Variants in TCF7L2 observed in about 807,000 individuals in gnomAD.
The protein encoded by TCF7L2 is transcription factor 7-like 2.
In TCF7L2, 23 loss-of-function variants were observed where a neutral mutation model predicts 77.9. That is an observed-to-expected ratio of 0.30 (90% CI 0.21 to 0.42). The LOEUF is 0.42. TCF7L2 is among the 10% of genes least tolerant of loss of function. The pLI is 1.00. For missense variants in TCF7L2, 654 were observed against 793.1 expected, an observed-to-expected ratio of 0.82 and a Z score of 2.11; for synonymous variants, 413 against 340.2, an observed-to-expected ratio of 1.21 and a Z score of -2.36.
At chr10:112,967,140 CT>C (rs2037128775) in intron 4 of TCF7L2, among the ~76,000 whole-genome samples, 1 of 152,242 alleles carries the variant, frequency 6.6e-6, no homozygotes, top group Admixed American at 6.5e-5. Flanking sequence ...AGCTCATAAT[CT>C]TTTCGCTCTG....
At chr10:113,160,590 T>C (rs1326624512) in intron 12 of TCF7L2, 1 of 1,569,760 alleles carries the variant, frequency 6.4e-7, no homozygotes, top group African/African-American at 1.3e-5. Flanking sequence ...CATTGTGTTG[T>C]ATTTTTTGTG....
At chr10:112,995,365 G>T (rs894945692) in intron 4 of TCF7L2, among the ~76,000 whole-genome samples, 1 of 152,176 alleles carries the variant, frequency 6.6e-6, no homozygotes, top group South Asian at 2.1e-4. Flanking sequence ...TCCTGACAGT[G>T]GCTGGAGTTC....
rs1187083998 is a variant in TCF7L2, at chr10:113,166,067, C to A, written c.*95C>A. 4 of 1,226,228 alleles carry A rather than the reference C, an allele frequency of 3.3e-6. No homozygotes were observed. Among genetic ancestry groups the A allele is most frequent in the Non-Finnish European group, 3.2e-6 (3 of 940,364 alleles). The allele number at this position is 1,226,228 out of a possible 1,614,324, so 76.0% of individuals were successfully genotyped here. A position where few individuals can be genotyped will look rare whatever the true frequency, so the allele number is the denominator to read the frequency against. On this transcript the variant is annotated 3_prime_UTR_variant, in exon 14 of 14. Coordinates refer to ENST00000627217, the MANE Select transcript of TCF7L2 (RefSeq NM_001146274.2). ...CCACCTTGAAAGGTTTTGTTTTGTA[C>A]TCTCTTAATTTTGTGCCATGTGGCT...
chr10:113,146,866 C>T (rs1337712542), intron 8 of TCF7L2, among the ~76,000 whole-genome samples: 1 of 151,870 alleles, frequency 6.6e-6, no homozygotes, highest in African/African-American at 2.4e-5. Context: ...TGGTGCATAT[C>T]ATAGTGGTCT....
intron 6 of TCF7L2, among the ~76,000 whole-genome samples, chr10:113,141,701 C>T (rs2068413721): frequency 6.6e-6 from 1 of 152,160 alleles, no homozygotes; most frequent in Non-Finnish European, 1.5e-5. Context: ...TTGGGTTCCT[C>T]CTCAGCTTCC....
intron 4 of TCF7L2, among the ~76,000 whole-genome samples, chr10:113,018,062 A>C (rs775374655): frequency 6.6e-6 from 1 of 152,176 alleles, no homozygotes; most frequent in Non-Finnish European, 1.5e-5. Flanking sequence ...TGCTGGGGGA[A>C]CTATGGTCAC....
At position 112,954,086 on chromosome 10, in the gene TCF7L2, C is replaced by G. The variant is rs192087813; in HGVS notation, c.381+2479C>G. Among the ~76,000 whole-genome samples the G allele has an allele frequency of 2.0e-5, 3 of 152,340 alleles. No individual in the cohort carries two copies. The East Asian group carries it at 5.8e-4, about 29-fold the overall frequency. On this transcript the variant is annotated intron_variant, in intron 3 of 13. Coordinates refer to ENST00000627217, the MANE Select transcript of TCF7L2 (RefSeq NM_001146274.2). ...CTGACGTCTTCAATCAGAAGGCCAG[C>G]TTGCAATCCAGATTTGATACAGCTG...
chr10:112,956,900 G>A (rs1340923205), intron 3 of TCF7L2, among the ~76,000 whole-genome samples: 1 of 152,062 alleles, frequency 6.6e-6, no homozygotes, highest in Non-Finnish European at 1.5e-5. Flanking sequence ...GGGAGGTGGT[G>A]GTATCCTAAT....
intron 4 of TCF7L2, among the ~76,000 whole-genome samples, chr10:112,969,692 G>T (rs1480640423): frequency 6.6e-6 from 1 of 152,154 alleles, no homozygotes; most frequent in African/African-American, 2.4e-5. Context: ...CCAAGCTCCG[G>T]TGCAGGCCCC....
chr10:113,099,378 C>T (rs888098228), intron 5 of TCF7L2, among the ~76,000 whole-genome samples: 4 of 152,028 alleles, frequency 2.6e-5, no homozygotes, highest in African/African-American at 9.7e-5. Context: ...CAACTTGGTC[C>T]CCCCAGGCTG....
chr10:113,072,079 C>T (rs1047245807), intron 5 of TCF7L2, among the ~76,000 whole-genome samples: 26 of 152,046 alleles, frequency 1.7e-4, no homozygotes, highest in Admixed American at 7.2e-4. Flanking sequence ...TTTTTTGAGA[C>T]GGAGTCTTGC....
At chr10:113,007,304 C>T (rs996585690) in intron 4 of TCF7L2, among the ~76,000 whole-genome samples, 2 of 152,184 alleles carry the variant, frequency 1.3e-5, no homozygotes, top group African/African-American at 4.8e-5. Flanking sequence ...TCACGGGCAA[C>T]CTCATTCCTT....
chr10:113,078,894 G>A (rs935060603), intron 5 of TCF7L2, among the ~76,000 whole-genome samples: 1 of 151,674 alleles, frequency 6.6e-6, no homozygotes, highest in African/African-American at 2.4e-5. Context: ...GTGCAGTGGT[G>A]TGATTTCATC....
At chr10:112,972,381 G>A (rs1397624410) in intron 4 of TCF7L2, among the ~76,000 whole-genome samples, 1 of 152,146 alleles carries the variant, frequency 6.6e-6, no homozygotes, top group Non-Finnish European at 1.5e-5. Flanking sequence ...TTAGACTTTG[G>A]GGTCAGAGGC....
rs150773396 is a variant in TCF7L2 at position 113,042,431 on chromosome 10, G to A, written c.552+2305G>A. On this transcript the variant is annotated intron_variant, in intron 5 of 13. Coordinates refer to ENST00000627217, the MANE Select transcript of TCF7L2 (RefSeq NM_001146274.2). Reference sequence around the variant, plus strand: ...CATTGCCTAGAGGGGATGGGCTGGTGGAGGAAGGTGGGCTCTGGGAGCCGG... The same window carrying A: ...CATTGCCTAGAGGGGATGGGCTGGTAGAGGAAGGTGGGCTCTGGGAGCCGG... Among the ~76,000 whole-genome samples the A allele has an allele frequency of 2.9e-3, 440 of 152,324 alleles. 4 individuals carry two copies. The highest frequency in any genetic ancestry group is 0.017 in the Middle Eastern group (5 of 294).
rs2134176006 is a variant in TCF7L2 at position 112,950,762 on chromosome 10, G to A, written c.6G>A (p.Pro2=). ...TGCTGGTGGGTGAAAAAAAAATGCC[G>A]CAGCTGAACGGCGGTGGAGGGGATG... Residue 2 remains proline, a synonymous_variant, in exon 1 of 14, where the codon CCG becomes CCA. Coordinates refer to ENST00000627217, the MANE Select transcript of TCF7L2 (RefSeq NM_001146274.2). 1 of 1,562,366 alleles carries A rather than the reference G, an allele frequency of 6.4e-7. No homozygotes were observed. Among genetic ancestry groups the A allele is most frequent in the Non-Finnish European group, 8.7e-7 (1 of 1,153,434 alleles).
chr10:113,071,393 G>A (rs1045182953), intron 5 of TCF7L2, among the ~76,000 whole-genome samples: 2 of 152,088 alleles, frequency 1.3e-5, no homozygotes, highest in Non-Finnish European at 2.9e-5. Flanking sequence ...GGGTCCACTG[G>A]AGCAAGAGAA....
chr10:112,955,735 T>C (rs2033378903), intron 3 of TCF7L2, among the ~76,000 whole-genome samples: 1 of 152,208 alleles, frequency 6.6e-6, no homozygotes, highest in South Asian at 2.1e-4. Flanking sequence ...GCTTTCTGTT[T>C]CTTAGCAAGC....
intron 5 of TCF7L2, among the ~76,000 whole-genome samples, chr10:113,088,160 G>T (rs2060021143): frequency 6.6e-6 from 1 of 151,896 alleles, no homozygotes; most frequent in Non-Finnish European, 1.5e-5. Context: ...AAGAAACGTA[G>T]AATATTATTT....
Sources: allele counts gnomAD v4.1 joint callset (sites outside exome capture counted in the v4.1 genomes callset), GRCh38; gene constraint gnomAD v4.1.1; transcripts MANE v1.5; gene names NCBI Gene and HGNC (gene_info 2026-07-23, HGNC 2026-07-21).